Variants in MSL2 observed in about 807,000 individuals in gnomAD.
MSL2 encodes E3 ubiquitin-protein ligase MSL2.
A neutral mutation model predicts 35.8 loss-of-function variants in MSL2; 2 were observed. The observed-to-expected ratio is 0.06, with a 90% CI of 0.02 to 0.18. The LOEUF is 0.18. Ranked by LOEUF, MSL2 falls within the 10% of genes least tolerant of loss-of-function variation. MSL2 has a pLI of 1.00. For missense variants in MSL2, 523 were observed against 706.7 expected, an observed-to-expected ratio of 0.74 and a Z score of 2.95; for synonymous variants, 296 against 255.7, an observed-to-expected ratio of 1.16 and a Z score of -1.50.
In MSL2 at chr3:136,195,971, G is replaced by C; in HGVS notation, c.-858C>G. 1 of 297,978 alleles carries C rather than the reference G, an allele frequency of 3.4e-6. No individual in the cohort carries two copies. The highest frequency in any genetic ancestry group is 1.7e-3 in the Middle Eastern group (1 of 586). 18.5% of individuals were successfully genotyped at this position (297,978 alleles called of 1,614,324 possible). On this transcript the variant is annotated 5_prime_UTR_variant, in exon 1 of 2. Transcript: ENST00000309993. ...CTCAAGCGCCGCCCCCTCACTGCCC[G>C]GCCATTTTTTCGGCGCCACACACAC...
Position 136,151,989 on chromosome 3 carries a change from C to T in MSL2, c.892G>A (p.Val298Ile). Residue 298 changes from valine to isoleucine, a missense_variant, in exon 2 of 2, where the codon GTA becomes ATA. Val to Ile is a conservative substitution (Grantham distance 29). Transcript: ENST00000309993. This position sits in a 1 kb window ranked among gnomAD's most constrained non-coding sequence, Gnocchi z 5.2. ...AGCTGCAGAAAAGGTCCATTGGATA[C>T]AGTGGCTTCCAAGTTCGGCTGCAAA... The part of the protein sequence containing the change: ...PNLQPNLEAT[V>I]SNGPFLQLSS... 2 of 1,614,190 alleles carry T rather than the reference C, an allele frequency of 1.2e-6. No individual in the cohort carries two copies. The highest frequency in any genetic ancestry group is 1.7e-6 in the Non-Finnish European group (2 of 1,180,020).
At chr3:136,160,215 G>A (rs1225167074) in intron 1 of MSL2, among the ~76,000 whole-genome samples, 4 of 146,218 alleles carry the variant, frequency 2.7e-5, no homozygotes, top group Non-Finnish European at 6.0e-5. Context: ...AGCAGAGGTT[G>A]CAGTGAGCCA....
chr3:136,160,348 AG>A lies in MSL2; in HGVS notation c.143-7611del, dbSNP rs1219979513. Among the ~76,000 whole-genome samples the A allele has an allele frequency of 1.7e-3, 43 of 24,978 alleles. 1 individual carries two copies. Among genetic ancestry groups the A allele is most frequent in the Admixed American group, 0.011 (14 of 1,304 alleles). 16.4% of individuals were successfully genotyped at this position (24,978 alleles called of 152,430 possible). A position where few individuals can be genotyped will look rare whatever the true frequency, so the allele number is the denominator to read the frequency against. On this transcript the variant is annotated intron_variant, in intron 1 of 1. Coordinates refer to ENST00000309993, the MANE Select transcript of MSL2 (RefSeq NM_018133.4). ...GAAGGAGGGAAGGAAGGAGGGAGGG[AG>A]GGAGGGAGGGAGGGAGGGAGGGAGG...
chr3:136,180,246 A>G (rs759874608), intron 1 of MSL2, among the ~76,000 whole-genome samples: 7 of 152,058 alleles, frequency 4.6e-5, no homozygotes, highest in Non-Finnish European at 8.8e-5. Flanking sequence ...TTTTGTTACT[A>G]CGTGATAAGC....
chr3:136,156,434 G>A (rs910060067), intron 1 of MSL2, among the ~76,000 whole-genome samples: 1 of 152,138 alleles, frequency 6.6e-6, no homozygotes, highest in African/African-American at 2.4e-5. Context: ...AGGCTAAATG[G>A]AAAGGCAAGT....
At chr3:136,167,790 A>G (rs1939891851) in intron 1 of MSL2, among the ~76,000 whole-genome samples, 1 of 152,200 alleles carries the variant, frequency 6.6e-6, no homozygotes, top group Admixed American at 6.5e-5. Flanking sequence ...ACTTAAATAT[A>G]TGGGAAAATA....
At chr3:136,159,905 G>GA (rs113322567) in intron 1 of MSL2, among the ~76,000 whole-genome samples, 26 of 149,314 alleles carry the variant, frequency 1.7e-4, no homozygotes, top group South Asian at 4.2e-4. Context: ...TCACAAAAAG[G>GA]AAAAAAAAAT....
chr3:136,168,181 A>C (rs980077799), intron 1 of MSL2, among the ~76,000 whole-genome samples: 5 of 152,146 alleles, frequency 3.3e-5, no homozygotes, highest in African/African-American at 1.2e-4. Context: ...GGAGTTCAAG[A>C]TTAGCTGGGT....
At chr3:136,155,559 G>T in intron 1 of MSL2, 1 of 257,868 alleles carries the variant, frequency 3.9e-6, no homozygotes, top group South Asian at 5.3e-5. Flanking sequence ...TCCATCTCAG[G>T]GAGACCTGGC....
intron 1 of MSL2, among the ~76,000 whole-genome samples, chr3:136,162,349 A>ACTGGGATT (rs1236983366): frequency 5.3e-5 from 8 of 151,814 alleles, no homozygotes; most frequent in Non-Finnish European, 1.0e-4. Context: ...TTGAGAGGCC[A>ACTGGGATT]GCGTAGGCAG....
chr3:136,192,632 A>G (rs1940722773), intron 1 of MSL2, among the ~76,000 whole-genome samples: 1 of 152,216 alleles, frequency 6.6e-6, no homozygotes, highest in South Asian at 2.1e-4. Context: ...AAGGACAAAA[A>G]TATCAATCCA....
In MSL2 at chr3:136,195,641, G is replaced by A; in HGVS notation, c.-528C>T. ...CGGCAAGGACGACGGTCGGGCAGCG[G>A]CTTCCCGGATCTAGTGCAAGACGCC... is the stretch of plus-strand genomic sequence containing the variant. On this transcript the variant is annotated 5_prime_UTR_variant, in exon 1 of 2. Transcript: ENST00000309993. 2.0e-6 allele frequency: 2 copies of A among 980,348 alleles called. No individual in the cohort carries two copies. The highest frequency in any genetic ancestry group is 6.1e-5 in the Admixed American group (1 of 16,288). The allele number at this position is 980,348 out of a possible 1,614,324, so 60.7% of individuals were successfully genotyped here. A position where few individuals can be genotyped will look rare whatever the true frequency, so the allele number is the denominator to read the frequency against.
chr3:136,194,118 A>G (rs1018536840), intron 1 of MSL2, among the ~76,000 whole-genome samples: 3 of 152,254 alleles, frequency 2.0e-5, no homozygotes, highest in Admixed American at 6.5e-5. Context: ...TGGAGCATGC[A>G]TATTACTGCT....
At chr3:136,155,767 C>T (rs1459863643) in intron 1 of MSL2, 9 of 555,342 alleles carry the variant, frequency 1.6e-5, no homozygotes, top group Non-Finnish European at 2.9e-5. Flanking sequence ...GCACCATGTA[C>T]GTATGCAAAG....
In MSL2 at chr3:136,195,886, G is replaced by A; in HGVS notation, c.-773C>T. 3 of 898,174 alleles carry A rather than the reference G, an allele frequency of 3.3e-6. No individual in the cohort carries two copies. The highest frequency in any genetic ancestry group is 4.0e-6 in the Non-Finnish European group (3 of 751,846). The allele number at this position is 898,174 out of a possible 1,614,324, so 55.6% of individuals were successfully genotyped here. A position where few individuals can be genotyped will look rare whatever the true frequency, so the allele number is the denominator to read the frequency against. On this transcript the variant is annotated 5_prime_UTR_variant, in exon 1 of 2. Coordinates refer to ENST00000309993, the MANE Select transcript of MSL2 (RefSeq NM_018133.4). The stretch of plus-strand genomic sequence containing the variant: ...GCGGGCGGGAGGGGGCGGGGGGCAA[G>A]CCCGGCCGGGCCGCGGCGGCGCCCC...
chr3:136,191,972 A>C (rs980414675), intron 1 of MSL2, among the ~76,000 whole-genome samples: 4 of 152,218 alleles, frequency 2.6e-5, no homozygotes, highest in Non-Finnish European at 5.9e-5. Flanking sequence ...AGGCTGTCAT[A>C]AACACCTACA....
intron 1 of MSL2, among the ~76,000 whole-genome samples, chr3:136,174,853 G>A (rs1940126946): frequency 6.6e-6 from 1 of 152,158 alleles, no homozygotes; most frequent in Non-Finnish European, 1.5e-5. Context: ...TATATTAAAT[G>A]TGTATGCATA....
At chr3:136,168,396 T>G (rs1389896834) in intron 1 of MSL2, among the ~76,000 whole-genome samples, 2 of 151,856 alleles carry the variant, frequency 1.3e-5, no homozygotes, top group Non-Finnish European at 2.9e-5. Flanking sequence ...ATAAAGAAAA[T>G]GTGGCACACA....
Position 136,195,782 on chromosome 3 carries a change from G to A in MSL2, c.-669C>T. On this transcript the variant is annotated 5_prime_UTR_variant, in exon 1 of 2. Transcript: ENST00000309993. ...TCCGCCCCGTGGGTTGCAGCCCGCA[G>A]TTCCCCGAGGTGGCGAGGCGGGCGG... 1.0e-6 allele frequency: 1 copy of A among 985,100 alleles called. No homozygotes were observed. Among genetic ancestry groups the A allele is most frequent in the Non-Finnish European group, 1.2e-6 (1 of 829,838 alleles). The allele number at this position is 985,100 out of a possible 1,614,324, so 61.0% of individuals were successfully genotyped here.
Sources: allele counts gnomAD v4.1 joint callset (sites outside exome capture counted in the v4.1 genomes callset), GRCh38; gene constraint gnomAD v4.1.1; non-coding constraint Gnocchi (gnomAD v3.1); transcripts MANE v1.5; gene names NCBI Gene and HGNC (gene_info 2026-07-23, HGNC 2026-07-21).